Variants in PSD3 observed in about 807,000 individuals in gnomAD.
PSD3 encodes the protein pleckstrin and Sec7 domain containing 3.
In PSD3, 49 loss-of-function variants were observed where a neutral mutation model predicts 105.5. The observed-to-expected ratio is 0.46, with a 90% CI of 0.37 to 0.59. PSD3 has a LOEUF of 0.59. PSD3 is among the 20% of genes least tolerant of loss of function. The pLI is 0.00. For synonymous variants in PSD3, 557 were observed against 457.8 expected (o/e 1.22, Z -2.77); for missense variants, 1,561 against 1,263.8 (o/e 1.24, Z -3.57).
intron 15 of PSD3, among the ~76,000 whole-genome samples, chr8:18,555,710 T>G (rs771246392): frequency 6.6e-5 from 10 of 152,206 alleles, no homozygotes; most frequent in Non-Finnish European, 1.2e-4. Flanking sequence ...TAGATGGATG[T>G]GCCACAACTT....
intron 10 of PSD3, 113 bp from the exon 11 acceptor site, chr8:18,632,919 AACCAC>A (rs2130769720): frequency 1.3e-6 from 1 of 787,710 alleles, no homozygotes; most frequent in East Asian, 2.7e-5. Flanking sequence ...CACTTTTTAT[AACCAC>A]CACCATGATA....
At chr8:18,981,065 G>A (rs370820606) in intron 1 of PSD3, among the ~76,000 whole-genome samples, 16 of 151,952 alleles carry the variant, frequency 1.1e-4, no homozygotes, top group South Asian at 2.1e-4. Flanking sequence ...CCCCTCCCCC[G>A]TGAGTTTCCC....
chr8:18,922,224 C>G (rs562978963), intron 2 of PSD3, among the ~76,000 whole-genome samples: 1 of 152,142 alleles, frequency 6.6e-6, no homozygotes, highest in Non-Finnish European at 1.5e-5. Context: ...TCTCAAGGAC[C>G]TAAAGTTTAC....
intron 8 of PSD3, among the ~76,000 whole-genome samples, chr8:18,798,240 C>T (rs1810363290): frequency 6.6e-6 from 1 of 152,100 alleles, no homozygotes; most frequent in South Asian, 2.1e-4. Context: ...TGGACACGTG[C>T]TACCTATGTT....
intron 1 of PSD3, among the ~76,000 whole-genome samples, chr8:18,957,349 A>T (rs995094509): frequency 4.1e-5 from 6 of 146,966 alleles, no homozygotes; most frequent in Non-Finnish European, 7.5e-5. Flanking sequence ...CTAGCCTGGT[A>T]ACAGAACAAG....
chr8:18,595,368 T>C (rs1804014289), intron 12 of PSD3, among the ~76,000 whole-genome samples: 2 of 151,594 alleles, frequency 1.3e-5, no homozygotes, highest in Non-Finnish European at 2.9e-5. Context: ...AGAGTGTTTC[T>C]CTATCGATAA....
rs183273886 is a variant in PSD3 at position 18,797,039 on chromosome 8, G to C, written c.2082+2256C>G. 1.2e-3 allele frequency among the ~76,000 whole-genome samples: 182 copies of C among 152,148 alleles called. 1 individual carries two copies. Among genetic ancestry groups the C allele is most frequent in the African/African-American group, 4.3e-3 (179 of 41,512 alleles). ...CATGATGCAAGAGAAGCTACATCCAGAATTATGGATTAAAAACTTACCACC... is the reference window on the plus strand; with the variant it reads ...CATGATGCAAGAGAAGCTACATCCACAATTATGGATTAAAAACTTACCACC... On this transcript the variant is annotated intron_variant, in intron 8 of 15. Coordinates refer to ENST00000327040, the MANE Select transcript of PSD3 (RefSeq NM_015310.4).
intron 2 of PSD3, among the ~76,000 whole-genome samples, chr8:18,935,596 C>A (rs1249916965): frequency 6.6e-6 from 1 of 150,480 alleles, no homozygotes; most frequent in African/African-American, 2.4e-5. Context: ...AGTTGGGAGG[C>A]TGAGGCAGAA....
At chr8:18,995,581 G>C (rs1826033677) in intron 1 of PSD3, among the ~76,000 whole-genome samples, 1 of 151,970 alleles carries the variant, frequency 6.6e-6, no homozygotes, top group Non-Finnish European at 1.5e-5. Context: ...AGGTGCACCA[G>C]TGTATTAGTC....
intron 10 of PSD3, among the ~76,000 whole-genome samples, chr8:18,648,502 G>C (rs1808226238): frequency 6.6e-6 from 1 of 152,198 alleles, no homozygotes; most frequent in African/African-American, 2.4e-5. Context: ...GAAGTAACCT[G>C]GCTGCTTCTA....
chr8:18,847,585 T>C (rs1289479774), intron 4 of PSD3, among the ~76,000 whole-genome samples: 2 of 152,252 alleles, frequency 1.3e-5, no homozygotes, highest in African/African-American at 2.4e-5. Flanking sequence ...AGAATTAGTA[T>C]GATTTCGTAC....
chr8:18,686,446 A>C (rs1039732752), intron 9 of PSD3, among the ~76,000 whole-genome samples: 2 of 152,228 alleles, frequency 1.3e-5, no homozygotes, highest in East Asian at 1.9e-4. Flanking sequence ...CTTTTCTGCA[A>C]GTCAGGGAGA....
intron 12 of PSD3, among the ~76,000 whole-genome samples, chr8:18,595,853 C>G (rs1004641754): frequency 6.6e-6 from 1 of 151,906 alleles, no homozygotes; most frequent in South Asian, 2.1e-4. Flanking sequence ...AACTTCTAGA[C>G]AGAAGACTAA....
intron 9 of PSD3, among the ~76,000 whole-genome samples, chr8:18,751,902 C>T (rs886086582): frequency 7.4e-5 from 11 of 148,374 alleles, no homozygotes; most frequent in South Asian, 2.2e-4. Context: ...GATCTGGACG[C>T]GGTGGCTCAC....
intron 1 of PSD3, among the ~76,000 whole-genome samples, chr8:18,955,694 TG>T (rs568304997): frequency 1.4e-3 from 207 of 152,180 alleles, no homozygotes; most frequent in African/African-American, 4.7e-3. Context: ...GTCCCAGGAG[TG>T]GACAGGGACT....
intron 1 of PSD3, among the ~76,000 whole-genome samples, chr8:19,050,442 C>T (rs1008544904): frequency 2.0e-5 from 3 of 152,110 alleles, no homozygotes; most frequent in Non-Finnish European, 4.4e-5. Context: ...AACCCAAATG[C>T]CCAACAATGA....
chr8:18,606,005 G>T (rs1175989461), intron 11 of PSD3, among the ~76,000 whole-genome samples: 4 of 152,080 alleles, frequency 2.6e-5, no homozygotes, highest in African/African-American at 7.2e-5. Flanking sequence ...CCAGTCTCGG[G>T]TATTTCTTCA....
At chr8:18,620,578 A>C (rs941392474) in intron 11 of PSD3, among the ~76,000 whole-genome samples, 2 of 152,014 alleles carry the variant, frequency 1.3e-5, no homozygotes, top group Admixed American at 6.6e-5. Context: ...GTGTGACAGC[A>C]CATTCCTGTG....
At chr8:18,704,641 C>T (rs1384356063) in intron 9 of PSD3, among the ~76,000 whole-genome samples, 1 of 152,096 alleles carries the variant, frequency 6.6e-6, no homozygotes, top group Non-Finnish European at 1.5e-5. Context: ...TGTCTGGCCC[C>T]AATAAGAGAA....
Sources: gnomAD v4.1 joint callset for allele counts (sites outside exome capture counted in the v4.1 genomes callset) on GRCh38, gnomAD v4.1.1 for gene constraint, MANE v1.5 for transcripts, NCBI Gene and HGNC (gene_info 2026-07-23, HGNC 2026-07-21) for gene names.